Variants in KL observed in about 807,000 individuals in gnomAD.
KL encodes the protein alpha-klotho.
Under a neutral mutation model 84.2 loss-of-function variants are expected in KL, and 62 were observed. That is an observed-to-expected ratio of 0.74 (90% CI 0.60 to 0.91). KL has a LOEUF of 0.91. Among genes scored for constraint, KL ranks in the 40% least tolerant of loss-of-function variants. The pLI, the probability that KL is intolerant of heterozygous loss-of-function variation, is 0.00. For missense variants in KL, 1,261 were observed against 1,305.7 expected (o/e 0.97, Z 0.53); for synonymous variants, 528 against 528.0 (o/e 1.00, Z 0.00).
intron 1 of KL, among the ~76,000 whole-genome samples, chr13:33,018,198 A>G (rs553861649): frequency 1.3e-5 from 2 of 152,336 alleles, no homozygotes; most frequent in South Asian, 4.1e-4. Flanking sequence ...ATCACAATAA[A>G]ATATTTTATG....
rs750225113 is a variant in KL, at chr13:33,055,104, GT to G, written c.1391del (p.Phe464SerfsTer19). 1 of 1,614,160 alleles carries G rather than the reference GT, an allele frequency of 6.2e-7. No homozygotes were observed. Among genetic ancestry groups the G allele is most frequent in the Non-Finnish European group, 8.5e-7 (1 of 1,180,040 alleles). ...IGYTAWSLMD[G>X]FEWHRGYSIR... is the part of the protein sequence containing the mutation. ...TATACCGCATGGTCCCTCATGGATG[GT>G]TTCGAGTGGCACAGAGGTTACAGCA... On this transcript the variant is annotated frameshift_variant, in exon 3 of 5. Transcript: ENST00000380099. LOFTEE classifies it high-confidence loss of function.
At chr13:33,025,932 G>A (rs1870756266) in intron 1 of KL, among the ~76,000 whole-genome samples, 1 of 152,172 alleles carries the variant, frequency 6.6e-6, no homozygotes, top group African/African-American at 2.4e-5. Flanking sequence ...AAAGATAAGA[G>A]GAAGTTTACC....
At chr13:33,058,062 T>C (rs1872031050) in intron 3 of KL, among the ~76,000 whole-genome samples, 1 of 152,206 alleles carries the variant, frequency 6.6e-6, no homozygotes, top group Non-Finnish European at 1.5e-5. Context: ...GTCACTTTAC[T>C]TGGACCCACT....
At chr13:33,022,718 C>G (rs1253240478) in intron 1 of KL, among the ~76,000 whole-genome samples, 4 of 152,216 alleles carry the variant, frequency 2.6e-5, no homozygotes, top group Non-Finnish European at 4.4e-5. Flanking sequence ...ATCATTTACT[C>G]AGTTGTGGCT....
At chr13:33,026,912 G>A (rs1315485186) in intron 1 of KL, among the ~76,000 whole-genome samples, 1 of 152,146 alleles carries the variant, frequency 6.6e-6, no homozygotes, top group Non-Finnish European at 1.5e-5. Context: ...TCTGCTTCTT[G>A]ATTCTTTTAT....
chr13:33,045,629 T>A (rs180907951), intron 1 of KL, among the ~76,000 whole-genome samples: 3 of 152,144 alleles, frequency 2.0e-5, no homozygotes, highest in South Asian at 2.1e-4. Context: ...TACAGGTGCC[T>A]GCCACCACAC....
At chr13:33,048,017 A>G (rs1290963092) in intron 1 of KL, among the ~76,000 whole-genome samples, 3 of 152,060 alleles carry the variant, frequency 2.0e-5, no homozygotes, top group Admixed American at 1.3e-4. Context: ...TTTGTTCATT[A>G]TATCTATCTT....
chr13:33,016,950 G>A lies in KL; in HGVS notation c.510G>A (p.Leu170=). Residue 170 remains leucine (L), a synonymous_variant, in exon 1 of 5, where the codon CTG becomes CTA. Coordinates refer to ENST00000380099, the MANE Select transcript of KL (RefSeq NM_004795.4). ...CGGGCGTCCCCAACCGCGAGGGGCT[G>A]CGCTACTACCGGCGCCTGCTGGAGC... ...GSAGVPNREG[L]RYYRRLLERL... is the part of the protein sequence containing the mutation. The A allele has an allele frequency of 6.2e-7, 1 of 1,605,828 alleles. No individual in the cohort carries two copies.
At chr13:33,021,620 C>T (rs540648866) in intron 1 of KL, among the ~76,000 whole-genome samples, 1 of 152,288 alleles carries the variant, frequency 6.6e-6, no homozygotes, top group African/African-American at 2.4e-5. Context: ...CAGTGGCTCA[C>T]ACCTGTAATC....
chr13:33,061,219 T>C lies in KL; in HGVS notation c.2140T>C (p.Tyr714His). ...LKAHALAWHV[Y>H]NEKFRHAQNG... is the part of the protein sequence containing the mutation. ...GGCCCATGCCCTGGCTTGGCATGTG[T>C]ACAATGAAAAGTTTAGGCATGCTCA... The change falls in exon 4 of 5, where the codon TAC becomes CAC. Residue 714 changes from tyrosine to histidine, a missense_variant. Tyr to His is a moderately conservative substitution (Grantham distance 83). Transcript: ENST00000380099. 6.2e-7 allele frequency: 1 copy of C among 1,614,250 alleles called. No individual in the cohort carries two copies. Among genetic ancestry groups the C allele is most frequent in the Non-Finnish European group, 8.5e-7 (1 of 1,180,042 alleles).
chr13:33,016,968 G>T lies in KL; in HGVS notation c.528G>T (p.Leu176=), dbSNP rs1487267871. The change falls in exon 1 of 5, where the codon CTG becomes CTT. Residue 176 remains leucine, a synonymous_variant. Transcript: ENST00000380099. The stretch of plus-strand genomic sequence containing the variant: ...AGGGGCTGCGCTACTACCGGCGCCT[G>T]CTGGAGCGGCTGCGGGAGCTGGGCG... ...NREGLRYYRR[L]LERLRELGVQ... is the part of the protein sequence containing the mutation. 4.4e-6 allele frequency: 7 copies of T among 1,597,938 alleles called. No individual in the cohort carries two copies. The highest frequency in any genetic ancestry group is 6.0e-6 in the Non-Finnish European group (7 of 1,174,578).
intron 1 of KL, among the ~76,000 whole-genome samples, chr13:33,041,505 A>G (rs1268561733): frequency 4.6e-5 from 7 of 152,062 alleles, no homozygotes; most frequent in African/African-American, 1.4e-4. Context: ...AAACACTTCC[A>G]TAGCATTTAC....
chr13:33,056,639 CAAAAAA>C (rs57452305), intron 3 of KL, among the ~76,000 whole-genome samples: 1 of 144,444 alleles, frequency 6.9e-6, no homozygotes. Flanking sequence ...ACTAAAAATA[CAAAAAA>C]AAAAAAAAAA....
At chr13:33,044,640 C>CTTTTTTTTTTTTTTTTTTT (rs71071071) in intron 1 of KL, among the ~76,000 whole-genome samples, 1 of 52,750 alleles carries the variant, frequency 1.9e-5, no homozygotes, top group African/African-American at 8.5e-5. Context: ...AATTGATTTT[C>CTTTTTTTTTTTTTTTTTTT]TTTTTTTTTT....
chr13:33,034,612 T>A (rs901240786), intron 1 of KL, among the ~76,000 whole-genome samples: 19 of 152,230 alleles, frequency 1.2e-4, no homozygotes, highest in Non-Finnish European at 2.5e-4. Flanking sequence ...CTCTATTTCT[T>A]CATAGCACTT....
Position 33,061,325 on chromosome 13 carries a change from CTG to C in KL, c.2247_2248del (p.Arg751SerfsTer5), listed in dbSNP as rs775464629. ...TTCTCCCAAAAGGACAAAGAGGTGG[CTG>C]AGAGAGTTTTGGAATTTGACATTGG... On this transcript the variant is annotated frameshift_variant, in exon 4 of 5. Transcript: ENST00000380099. LOFTEE classifies it high-confidence loss of function. The C allele has an allele frequency of 6.2e-7, 1 of 1,614,120 alleles. No individual in the cohort carries two copies. The highest frequency in any genetic ancestry group is 8.5e-7 in the Non-Finnish European group (1 of 1,180,024).
chr13:33,036,556 TC>T (rs1236266631), intron 1 of KL, among the ~76,000 whole-genome samples: 4 of 152,178 alleles, frequency 2.6e-5, no homozygotes, highest in Non-Finnish European at 5.9e-5. Flanking sequence ...GTCACATGTC[TC>T]TATTCCAGCA....
chr13:33,040,650 AT>A (rs1465054997), intron 1 of KL, among the ~76,000 whole-genome samples: 1 of 152,148 alleles, frequency 6.6e-6, no homozygotes, highest in Non-Finnish European at 1.5e-5. Flanking sequence ...TTCCATTTCA[AT>A]TTTTAAAAAA....
Position 33,016,591 on chromosome 13 carries a change from C to A in KL, c.151C>A (p.Pro51Thr), listed in dbSNP as rs755628783. 51 of 1,501,716 alleles carry A rather than the reference C, an allele frequency of 3.4e-5. No individual in the cohort carries two copies. The highest frequency in any genetic ancestry group is 2.5e-5 in the East Asian group (1 of 39,580). 93.0% of individuals were successfully genotyped at this position (1,501,716 alleles called of 1,614,324 possible). ...GGCCCGTTTCTCGCGGCCTCCTGCC[C>A]CCGAGGCCGCGGGCCTCTTCCAGGG... ...TWARFSRPPA[P>T]EAAGLFQGTF... is the part of the protein sequence containing the mutation. Residue 51 changes from proline to threonine, a missense_variant, in exon 1 of 5, where the codon CCC (proline) becomes ACC (threonine). Coordinates refer to ENST00000380099, the MANE Select transcript of KL (RefSeq NM_004795.4).
Sources: gnomAD v4.1 joint callset for allele counts (sites outside exome capture counted in the v4.1 genomes callset) on GRCh38, gnomAD v4.1.1 for gene constraint, MANE v1.5 for transcripts, NCBI Gene and HGNC (gene_info 2026-07-23, HGNC 2026-07-21) for gene names.